The following LRTM1 variants were observed in gnomAD, a reference collection of about 807,000 sequenced individuals.
The protein encoded by LRTM1 is leucine-rich repeat and transmembrane domain-containing protein 1.
In LRTM1, 38 loss-of-function variants were observed where a neutral mutation model predicts 32.4. That is an observed-to-expected ratio of 1.17 (90% CI 0.91 to 1.54). The LOEUF is 1.54. LRTM1 is among the 40% of genes most tolerant of loss of function. LRTM1 has a pLI of 0.00. For synonymous variants in LRTM1, 186 were observed against 169.9 expected (o/e 1.09, Z -0.74); for missense variants, 466 against 415.4 (o/e 1.12, Z -1.06).
At position 54,918,911 on chromosome 3, in the gene LRTM1, A is replaced by G; in HGVS notation, c.605-19T>C. ...AGTCCCCCTTTAAAAAACAAAAGCA[A>G]AGAACAATAACAAAGCCTTGATACA... On this transcript the variant is annotated intron_variant, in intron 2 of 2. Transcript: ENST00000273286. The G allele has an allele frequency of 6.6e-7, 1 of 1,512,576 alleles. No individual in the cohort carries two copies. The allele number at this position is 1,512,576 out of a possible 1,614,324, so 93.7% of individuals were successfully genotyped here. A position where few individuals can be genotyped will look rare whatever the true frequency, so the allele number is the denominator to read the frequency against.
chr3:54,927,841 T>C (rs1701068661), intron 1 of LRTM1, 64 bp downstream of exon 1: 1 of 1,562,774 alleles, frequency 6.4e-7, no homozygotes, highest in African/African-American at 1.4e-5. Context: ...CAGATACCTT[T>C]GTGAGGGGAT....
chr3:54,953,991 A>G (rs1444561860), intron 1 of LRTM1, among the ~76,000 whole-genome samples: 1 of 152,216 alleles, frequency 6.6e-6, no homozygotes, highest in African/African-American at 2.4e-5. Context: ...CAGGAGTGCC[A>G]TCCATGCAGT....
intron 2 of LRTM1, 107 bp from the exon 3 acceptor site, chr3:54,918,999 T>G (rs1331476110): frequency 3.5e-6 from 3 of 868,650 alleles, no homozygotes; most frequent in African/African-American, 3.4e-5. Flanking sequence ...AAGTACCTTT[T>G]TTTTTTTTAA....
At position 54,918,527 on chromosome 3, in the gene LRTM1, G is replaced by A. The variant is rs144150699; in HGVS notation, c.970C>T (p.Pro324Ser). 8 of 1,613,664 alleles carry A rather than the reference G, an allele frequency of 5.0e-6. No homozygotes were observed. The highest frequency in any genetic ancestry group is 6.8e-6 in the Non-Finnish European group (8 of 1,179,954). Residue 324 changes from proline to serine, a missense_variant, in exon 3 of 3, where the codon CCC (proline) becomes TCC (serine). By Grantham distance (74) the Pro-to-Ser change is moderately conservative (BLOSUM62 -1). Transcript: ENST00000273286. The stretch of plus-strand genomic sequence containing the variant: ...CCAGGATCATTGGTTTGAGCCAAGG[G>A]TCCCCCATGGTACTGGGCTGTGATT... Reference protein sequence around the residue: ...AAITAQYHGGPLAQTNDPGKV... With the variant: ...AAITAQYHGGSLAQTNDPGKV...
At chr3:54,924,536 A>C (rs982446625) in intron 2 of LRTM1, 83 bp downstream of exon 2, 3 of 1,180,520 alleles carry the variant, frequency 2.5e-6, no homozygotes, top group African/African-American at 1.5e-5. Context: ...ACTCCTCCAC[A>C]TTCTTTCTAA....
chr3:54,925,960 G>A (rs974142841), intron 1 of LRTM1, among the ~76,000 whole-genome samples: 2 of 152,148 alleles, frequency 1.3e-5, no homozygotes, highest in South Asian at 2.1e-4. Flanking sequence ...ATTAAGAATA[G>A]TATAATAAAT....
intron 1 of LRTM1, among the ~76,000 whole-genome samples, chr3:54,964,163 A>ACATGG (rs1471911289): frequency 6.6e-6 from 1 of 152,154 alleles, no homozygotes; most frequent in East Asian, 1.9e-4. Context: ...CCATATTGGC[A>ACATGG]CATGGGGAAG....
At chr3:54,925,271 G>A in intron 1 of LRTM1, 56 bp from the exon 2 acceptor site, 1 of 1,400,570 alleles carries the variant, frequency 7.1e-7, no homozygotes, top group Non-Finnish European at 9.9e-7. Context: ...TGTGGTATCA[G>A]CACTTTTCCG....
intron 1 of LRTM1, among the ~76,000 whole-genome samples, chr3:54,939,648 G>C (rs963063660): frequency 6.6e-6 from 1 of 152,196 alleles, no homozygotes; most frequent in Non-Finnish European, 1.5e-5. Flanking sequence ...CCCCCAGAAC[G>C]GAGCTATCAG....
At chr3:54,960,269 C>G (rs1469048774) in intron 1 of LRTM1, among the ~76,000 whole-genome samples, 1 of 152,014 alleles carries the variant, frequency 6.6e-6, no homozygotes, top group Non-Finnish European at 1.5e-5. Flanking sequence ...GCTATTTCTC[C>G]TCCCTCTCTC....
intron 1 of LRTM1, among the ~76,000 whole-genome samples, chr3:54,947,682 A>G (rs1455859167): frequency 1.3e-5 from 2 of 152,182 alleles, no homozygotes; most frequent in Non-Finnish European, 2.9e-5. Context: ...CATGAAAATA[A>G]GAGGTCCTGA....
chr3:54,942,402 G>C (rs1360579565), intron 1 of LRTM1, among the ~76,000 whole-genome samples: 1 of 152,188 alleles, frequency 6.6e-6, no homozygotes, highest in Non-Finnish European at 1.5e-5. Flanking sequence ...CACACCTTCT[G>C]ATTTGGGCAC....
chr3:54,919,146 G>A (rs1700760535), intron 2 of LRTM1, among the ~76,000 whole-genome samples: 1 of 152,172 alleles, frequency 6.6e-6, no homozygotes. Flanking sequence ...TAACCTTCAT[G>A]TTCTCTAAAT....
intron 2 of LRTM1, among the ~76,000 whole-genome samples, chr3:54,919,301 A>T (rs748374104): frequency 2.6e-5 from 4 of 152,216 alleles, no homozygotes; most frequent in Non-Finnish European, 4.4e-5. Flanking sequence ...CCCATTGAAA[A>T]TCTAAGGAAA....
chr3:54,922,680 C>T (rs1285208317), intron 2 of LRTM1, among the ~76,000 whole-genome samples: 1 of 152,146 alleles, frequency 6.6e-6, no homozygotes, highest in Non-Finnish European at 1.5e-5. Flanking sequence ...ATGTCTGTAG[C>T]TCCAACATCT....
At chr3:54,950,025 A>G (rs1701717562) in intron 1 of LRTM1, among the ~76,000 whole-genome samples, 1 of 152,182 alleles carries the variant, frequency 6.6e-6, no homozygotes, top group Admixed American at 6.5e-5. Context: ...CTTGAAGTCT[A>G]CCACCTCCAG....
intron 1 of LRTM1, chr3:54,966,866 T>C (rs1280779035): frequency 6.6e-6 from 1 of 152,226 alleles, no homozygotes; most frequent in African/African-American, 2.4e-5. Flanking sequence ...CTCTTCTATA[T>C]TTCTCTCTAA....
chr3:54,930,335 C>T (rs558337854), upstream of LRTM1, among the ~76,000 whole-genome samples: 1 of 152,254 alleles, frequency 6.6e-6, no homozygotes, highest in Non-Finnish European at 1.5e-5. Flanking sequence ...TCTTTAAGGC[C>T]TTCTTATGTC....
intron 2 of LRTM1, among the ~76,000 whole-genome samples, chr3:54,919,866 C>G (rs1295720406): frequency 1.3e-5 from 2 of 152,226 alleles, no homozygotes; most frequent in African/African-American, 4.8e-5. Flanking sequence ...ACATCCAAAC[C>G]CAGTTCTCCA....
Sources: allele counts gnomAD v4.1 joint callset (sites outside exome capture counted in the v4.1 genomes callset), GRCh38; gene constraint gnomAD v4.1.1; transcripts MANE v1.5; gene names NCBI Gene and HGNC (gene_info 2026-07-23, HGNC 2026-07-21).